The following TNR variants were observed in gnomAD, a reference collection of about 807,000 sequenced individuals.
TNR encodes the protein tenascin-R.
In TNR, 45 loss-of-function variants were observed where a neutral mutation model predicts 150.4. The ratio of observed to expected loss-of-function variants is 0.30; its 90% CI spans 0.24 to 0.38. The LOEUF (loss-of-function observed/expected upper bound fraction) is 0.38, where lower values mean the gene tolerates loss of function less well. TNR is among the 10% of genes least tolerant of loss of function. TNR has a pLI of 1.00. For synonymous variants in TNR, 687 were observed against 678.4 expected, an observed-to-expected ratio of 1.01 and a Z score of -0.20; for missense variants, 1,544 against 1,759.1, an observed-to-expected ratio of 0.88 and a Z score of 2.19.
At chr1:175,403,708 C>T (rs1653827336) in intron 3 of TNR, 92 bp from the exon 4 acceptor site, 1 of 1,036,742 alleles carries the variant, frequency 9.6e-7, no homozygotes, top group Non-Finnish European at 1.4e-6. Flanking sequence ...TCTACTCATT[C>T]TCTGACCAGA....
At chr1:175,598,901 G>T (rs1237304848) in intron 1 of TNR, among the ~76,000 whole-genome samples, 3 of 152,224 alleles carry the variant, frequency 2.0e-5, no homozygotes. Context: ...ATGCTCTAAT[G>T]AATCTGTAAG....
rs1652577738 is a variant in TNR at position 175,379,589 on chromosome 1, G to A, written c.1926C>T (p.Pro642=). Residue 642 remains proline, a synonymous_variant, in exon 9 of 23, where the codon CCC becomes CCT. Transcript: ENST00000367674. ...CCCTGGTGGTTGGACCAATGCCCCT[G>A]GGGACCAGTACCTCATGATATTGCT... is the stretch of plus-strand genomic sequence containing the variant. ...AGEQYHEVLV[P]RGIGPTTRAT... 1.2e-6 allele frequency: 2 copies of A among 1,613,882 alleles called. No homozygotes were observed. Among genetic ancestry groups the A allele is most frequent in the Non-Finnish European group, 1.7e-6 (2 of 1,179,966 alleles).
At chr1:175,588,774 G>A (rs935761909) in intron 1 of TNR, among the ~76,000 whole-genome samples, 3 of 152,134 alleles carry the variant, frequency 2.0e-5, no homozygotes, top group Non-Finnish European at 4.4e-5. Context: ...ACTGGCCTCA[G>A]AATGGCTAAG....
chr1:175,320,542 T>A lies in TNR; in HGVS notation c.*2815A>T, dbSNP rs1025599570. 1 of 152,226 alleles carries A rather than the reference T, an allele frequency of 6.6e-6. No homozygotes were observed. The highest frequency in any genetic ancestry group is 1.5e-5 in the Non-Finnish European group (1 of 68,050). The allele number at this position is 152,226 out of a possible 1,614,324, so 9.4% of individuals were successfully genotyped here. ...AGATTTTTGTTTCCACTGATGTTTC[T>A]TGACTTTCACCTGAATTGACAACAC... On this transcript the variant is annotated 3_prime_UTR_variant, in exon 23 of 23. Transcript: ENST00000367674.
rs374878786 is a variant in TNR, at chr1:175,470,238, G to C, written c.-64+58031C>G. ...GCTGCCAGTGTAAAGGTGACAGTTG[G>C]GCCTTGGAATGGATTAGATCATTGA... is the stretch of plus-strand genomic sequence containing the variant. On this transcript the variant is annotated intron_variant, in intron 2 of 22. Coordinates refer to ENST00000367674, the MANE Select transcript of TNR (RefSeq NM_003285.3). Among the ~76,000 whole-genome samples the C allele has an allele frequency of 1.6e-4, 24 of 152,222 alleles. No homozygotes were observed. The East Asian group carries it at 4.4e-3, about 28-fold the overall frequency.
intron 14 of TNR, 107 bp downstream of exon 14, chr1:175,362,556 A>G (rs554716360): frequency 7.1e-7 from 1 of 1,402,138 alleles, no homozygotes; most frequent in African/African-American, 1.4e-5. Context: ...TTGGAGGAGC[A>G]CCCCGAAATG....
At chr1:175,619,345 A>G (rs1663885979) in intron 1 of TNR, among the ~76,000 whole-genome samples, 1 of 152,176 alleles carries the variant, frequency 6.6e-6, no homozygotes, top group African/African-American at 2.4e-5. Flanking sequence ...AACTTCGTGC[A>G]GAATGTCAGT....
chr1:175,742,580 C>A (rs139939073), intron 1 of TNR, among the ~76,000 whole-genome samples: 1 of 152,180 alleles, frequency 6.6e-6, no homozygotes, highest in Admixed American at 6.5e-5. Context: ...CTCAACCCCC[C>A]AAAGCCGCCC....
chr1:175,727,724 A>C (rs1293481571), intron 1 of TNR, among the ~76,000 whole-genome samples: 2 of 152,208 alleles, frequency 1.3e-5, no homozygotes, highest in East Asian at 3.8e-4. Context: ...CTTGGCAAGA[A>C]GCAGGGCCAT....
chr1:175,667,354 C>A (rs554214004), intron 1 of TNR, among the ~76,000 whole-genome samples: 1 of 152,330 alleles, frequency 6.6e-6, no homozygotes, highest in African/African-American at 2.4e-5. Flanking sequence ...AACCCCAGCC[C>A]ACACCTAATG....
chr1:175,611,902 C>T (rs148177963), intron 1 of TNR, among the ~76,000 whole-genome samples: 22 of 152,074 alleles, frequency 1.4e-4, no homozygotes, highest in African/African-American at 5.3e-4. Flanking sequence ...TGCTGTAGAC[C>T]GAATGTAAAT....
intron 1 of TNR, among the ~76,000 whole-genome samples, chr1:175,569,101 C>G (rs778267153): frequency 1.3e-5 from 2 of 152,028 alleles, no homozygotes; most frequent in African/African-American, 2.4e-5. Flanking sequence ...CAAAGAAAGC[C>G]GATAAGTTAA....
chr1:175,406,785 G>C lies in TNR; in HGVS notation c.-63-8C>G. 1 of 1,556,182 alleles carries C rather than the reference G, an allele frequency of 6.4e-7. No individual in the cohort carries two copies. Among genetic ancestry groups the C allele is most frequent in the Non-Finnish European group, 8.7e-7 (1 of 1,150,870 alleles). The stretch of plus-strand genomic sequence containing the variant: ...GCATGGAGTTGTGGGAATCTGCAAC[G>C]GAAACCAAGGAAAGAGACAACCTCT... On this transcript the variant is annotated splice_region_variant and splice_polypyrimidine_tract_variant and intron_variant, in intron 2 of 22. Coordinates refer to ENST00000367674, the MANE Select transcript of TNR (RefSeq NM_003285.3).
At chr1:175,699,332 G>A (rs1252863527) in intron 1 of TNR, among the ~76,000 whole-genome samples, 1 of 152,188 alleles carries the variant, frequency 6.6e-6, no homozygotes, top group Admixed American at 6.5e-5. Flanking sequence ...AAGATAGTGT[G>A]GCATTGCCCA....
rs569848739 is a variant in TNR at position 175,495,548 on chromosome 1, C to A, written c.-64+32721G>T. Among the ~76,000 whole-genome samples the A allele has an allele frequency of 3.3e-5, 5 of 152,260 alleles. No individual in the cohort carries two copies. In the South Asian group the frequency reaches 1.0e-3, roughly 32 times the overall value. On this transcript the variant is annotated intron_variant, in intron 2 of 22. Coordinates refer to ENST00000367674, the MANE Select transcript of TNR (RefSeq NM_003285.3). Reference sequence around the variant, plus strand: ...CCAACAGTCACCAAATTACTGAGATCTTCTAAATTTCCTTTCTATAATACC... The same window carrying A: ...CCAACAGTCACCAAATTACTGAGATATTCTAAATTTCCTTTCTATAATACC...
At chr1:175,615,445 T>G in intron 1 of TNR, among the ~76,000 whole-genome samples, 1 of 152,070 alleles carries the variant, frequency 6.6e-6, no homozygotes, top group Admixed American at 6.6e-5. Flanking sequence ...TGGAGATGCT[T>G]CGGTGATGTT....
At chr1:175,620,208 A>G (rs1345207175) in intron 1 of TNR, among the ~76,000 whole-genome samples, 1 of 152,212 alleles carries the variant, frequency 6.6e-6, no homozygotes, top group East Asian at 1.9e-4. Flanking sequence ...AGTAATAGGC[A>G]GGATAGACAA....
chr1:175,530,333 C>T (rs1319092560), intron 1 of TNR, among the ~76,000 whole-genome samples: 4 of 152,072 alleles, frequency 2.6e-5, no homozygotes, highest in Non-Finnish European at 5.9e-5. Flanking sequence ...CTTAGGGCCC[C>T]ACACACACCC....
intron 15 of TNR, among the ~76,000 whole-genome samples, chr1:175,359,263 A>G (rs1008303936): frequency 1.4e-5 from 2 of 146,086 alleles, no homozygotes; most frequent in African/African-American, 5.1e-5. Flanking sequence ...CTCCTGCCTC[A>G]GCCTCCCAAG....
Sources: gnomAD v4.1 joint callset for allele counts (sites outside exome capture counted in the v4.1 genomes callset) on GRCh38, gnomAD v4.1.1 for gene constraint, MANE v1.5 for transcripts, NCBI Gene and HGNC (gene_info 2026-07-23, HGNC 2026-07-21) for gene names.